Variants in DLGAP2 observed in about 807,000 individuals in gnomAD.
DLGAP2 encodes DLG associated protein 2, also known as disks large-associated protein 2.
Under a neutral mutation model 100.3 loss-of-function variants are expected in DLGAP2, and 26 were observed. The ratio of observed to expected loss-of-function variants is 0.26; its 90% CI spans 0.19 to 0.36. The LOEUF is 0.36. DLGAP2 is among the 10% of genes least tolerant of loss of function. The pLI, the probability that DLGAP2 is intolerant of heterozygous loss-of-function variation, is 1.00. For synonymous variants in DLGAP2, 886 were observed against 630.1 expected (o/e 1.41, Z -6.08); for missense variants, 1,858 against 1,453.2 (o/e 1.28, Z -4.53).
At chr8:1,360,607 G>T (rs1207824577) in intron 3 of DLGAP2, among the ~76,000 whole-genome samples, 1 of 150,446 alleles carries the variant, frequency 6.6e-6, no homozygotes, top group African/African-American at 2.4e-5. Context: ...GAATCCACAG[G>T]AAATCCACCT....
intron 3 of DLGAP2, chr8:1,300,982 G>A (rs917647958): frequency 1.3e-5 from 2 of 152,310 alleles, no homozygotes; most frequent in African/African-American, 2.4e-5. Flanking sequence ...CATCTGGTGG[G>A]GCTCACCACC....
chr8:1,132,511 A>G (rs990562928), intron 2 of DLGAP2, among the ~76,000 whole-genome samples: 11 of 152,248 alleles, frequency 7.2e-5, no homozygotes, highest in African/African-American at 2.7e-4. Context: ...ACTCACTGGT[A>G]GTTTTTCTTG....
chr8:1,684,044 C>T lies in DLGAP2; in HGVS notation c.2704+5415C>T, dbSNP rs189814691. 1.7e-4 allele frequency among the ~76,000 whole-genome samples: 25 copies of T among 146,516 alleles called. No homozygotes were observed. The East Asian group carries it at 4.1e-3, about 24-fold the overall frequency. On this transcript the variant is annotated intron_variant, in intron 12 of 14. Transcript: ENST00000637795. ...ACACCAAGGCTGGAGCGCAGTGGCG[C>T]GATCTCAGCTCACTGCAACCTCTGC...
intron 2 of DLGAP2, among the ~76,000 whole-genome samples, chr8:1,126,515 G>C (rs550491669): frequency 6.6e-6 from 1 of 151,994 alleles, no homozygotes; most frequent in Non-Finnish European, 1.5e-5. Context: ...CGTGCTGTGC[G>C]TGGACAGGAG....
intron 2 of DLGAP2, among the ~76,000 whole-genome samples, chr8:1,008,546 CAAGAAA>C (rs1186813149): frequency 2.0e-5 from 3 of 152,178 alleles, no homozygotes; most frequent in African/African-American, 7.2e-5. Flanking sequence ...TGTTCCTGAA[CAAGAAA>C]AAGTTAAGAC....
intron 2 of DLGAP2, among the ~76,000 whole-genome samples, chr8:1,025,050 A>ATGCGTGCATGTGCATGTGTGTGCATGTG (rs1563150985): frequency 1.3e-5 from 2 of 151,488 alleles, no homozygotes. Context: ...GTGTGTGCAT[A>ATGCGTGCATGTGCATGTGTGTGCATGTG]TGCGTGCATG....
At chr8:1,583,621 CT>C (rs1244442219) in intron 6 of DLGAP2, among the ~76,000 whole-genome samples, 1 of 152,200 alleles carries the variant, frequency 6.6e-6, no homozygotes, top group Non-Finnish European at 1.5e-5. Flanking sequence ...TCCTGTGTTT[CT>C]AAGCCCAGCA....
intron 2 of DLGAP2, among the ~76,000 whole-genome samples, chr8:1,140,949 C>T (rs7838751): frequency 0.42 from 64,123 of 152,128 alleles, 14,885 homozygotes; most frequent in Non-Finnish European, 0.53. Context: ...TGCCACTGCA[C>T]TCCAGCCTGG....
chr8:1,168,724 G>GCACTTTTT (rs1797068297), intron 2 of DLGAP2, among the ~76,000 whole-genome samples: 1 of 143,428 alleles, frequency 7.0e-6, no homozygotes, highest in South Asian at 2.2e-4. Context: ...TTTTTGATGG[G>GCACTTTTT]GTTGTTTGTT....
intron 2 of DLGAP2, among the ~76,000 whole-genome samples, chr8:936,677 T>TTTTG (rs1469629891): frequency 6.6e-6 from 1 of 152,088 alleles, no homozygotes; most frequent in Non-Finnish European, 1.5e-5. Flanking sequence ...GCAAGCTGAG[T>TTTTG]GCAAGGTCCT....
At chr8:1,072,266 T>C (rs1803456691) in intron 2 of DLGAP2, among the ~76,000 whole-genome samples, 1 of 152,204 alleles carries the variant, frequency 6.6e-6, no homozygotes, top group Admixed American at 6.5e-5. Flanking sequence ...TCTCCAGCTT[T>C]CCACTTCCAT....
intron 2 of DLGAP2, among the ~76,000 whole-genome samples, chr8:1,059,841 G>A (rs907328406): frequency 3.3e-5 from 5 of 152,146 alleles, no homozygotes; most frequent in African/African-American, 9.7e-5. Context: ...CAGTGGGACC[G>A]ACCATATGGG....
At chr8:975,091 A>G (rs1317932484) in intron 2 of DLGAP2, among the ~76,000 whole-genome samples, 1 of 152,216 alleles carries the variant, frequency 6.6e-6, no homozygotes, top group Non-Finnish European at 1.5e-5. Context: ...CATTAAAAAG[A>G]TAATAAAAGA....
At chr8:1,131,368 T>C (rs1796290324) in intron 2 of DLGAP2, among the ~76,000 whole-genome samples, 1 of 152,132 alleles carries the variant, frequency 6.6e-6, no homozygotes, top group Non-Finnish European at 1.5e-5. Context: ...TGCCGGCAGG[T>C]GGGGTTCCTG....
intron 8 of DLGAP2, among the ~76,000 whole-genome samples, chr8:1,639,193 G>A (rs1044785659): frequency 2.6e-5 from 4 of 152,198 alleles, no homozygotes; most frequent in Admixed American, 2.0e-4. Flanking sequence ...AGCCACCCCC[G>A]AACAGGAGGG....
chr8:1,420,596 G>A (rs1003668767), intron 3 of DLGAP2, among the ~76,000 whole-genome samples: 1 of 152,150 alleles, frequency 6.6e-6, no homozygotes, highest in Non-Finnish European at 1.5e-5. Flanking sequence ...TCTATGTTGA[G>A]CATCAATGTC....
At chr8:1,452,651 G>A (rs1029193538) in intron 3 of DLGAP2, among the ~76,000 whole-genome samples, 3 of 152,226 alleles carry the variant, frequency 2.0e-5, no homozygotes, top group African/African-American at 7.2e-5. Flanking sequence ...TTAGGAGGCA[G>A]GAGATGCCGA....
At chr8:1,456,346 T>C (rs567467848) in intron 3 of DLGAP2, among the ~76,000 whole-genome samples, 1 of 152,220 alleles carries the variant, frequency 6.6e-6, no homozygotes, top group Non-Finnish European at 1.5e-5. Context: ...GCCCTTTAAA[T>C]ATGACCGAAA....
At chr8:1,230,501 A>G (rs1344674020) in intron 2 of DLGAP2, among the ~76,000 whole-genome samples, 1 of 152,196 alleles carries the variant, frequency 6.6e-6, no homozygotes, top group Non-Finnish European at 1.5e-5. Context: ...ACAGAACTAG[A>G]AAAAAACTAT....
Sources: gnomAD v4.1 joint callset for allele counts (sites outside exome capture counted in the v4.1 genomes callset) on GRCh38, gnomAD v4.1.1 for gene constraint, MANE v1.5 for transcripts, NCBI Gene and HGNC (gene_info 2026-07-23, HGNC 2026-07-21) for gene names.